Variants in NBPF12 observed in about 807,000 individuals in gnomAD.
NBPF12 encodes NBPF family member NBPF12.
A neutral mutation model predicts 146.4 loss-of-function variants in NBPF12; 115 were observed. The observed-to-expected ratio is 0.79, with a 90% CI of 0.68 to 0.92. The LOEUF (loss-of-function observed/expected upper bound fraction) is 0.92. NBPF12 is among the 40% of genes least tolerant of loss of function. The pLI, the probability that NBPF12 is intolerant of heterozygous loss-of-function variation, is 0.00. For synonymous variants in NBPF12, 385 were observed against 508.9 expected (o/e 0.76, Z 3.28); for missense variants, 1,205 against 1,326.8 (o/e 0.91, Z 1.43).
chr1:146,965,074 G>T lies in NBPF12; in HGVS notation c.748G>T (p.Glu250Ter). 1 of 1,602,380 alleles carries T rather than the reference G, an allele frequency of 6.2e-7. No individual in the cohort carries two copies. The highest frequency in any genetic ancestry group is 8.5e-7 in the Non-Finnish European group (1 of 1,172,930). ...TGTAGACAGAAAATCCTCTCATGAT[G>T]AATGTCAGGATGCTCTAAACATTCT... The change falls in exon 8 of 34, where the codon GAA (glutamate) becomes TAA (stop). Residue 250 changes from glutamate (E) to a stop codon, truncating the protein, a stop_gained. Transcript: ENST00000617844. LOFTEE classifies it high-confidence loss of function.
At chr1:146,971,599 G>C (rs1211672707) in intron 13 of NBPF12, among the ~76,000 whole-genome samples, 16 of 146,316 alleles carry the variant, frequency 1.1e-4, no homozygotes, top group Non-Finnish European at 2.1e-4. Flanking sequence ...AGACCAGCCT[G>C]GAGTATATGG....
At chr1:146,964,270 G>C in intron 6 of NBPF12, 87 bp from the exon 10 acceptor site, 1 of 1,573,804 alleles carries the variant, frequency 6.4e-7, no homozygotes, top group Non-Finnish European at 8.7e-7. Context: ...ACCATACATA[G>C]ATGTTCATGT....
exon 34 of NBPF12, chr1:146,995,537 T>C (rs1658490644): frequency 6.6e-6 from 1 of 151,842 alleles, no homozygotes; most frequent in South Asian, 2.1e-4. Context: ...CATCTTTTTG[T>C]TGTTGTCATT....
At chr1:146,977,979 C>A (rs1177358417) in intron 18 of NBPF12, among the ~76,000 whole-genome samples, 1 of 151,972 alleles carries the variant, frequency 6.6e-6, no homozygotes, top group South Asian at 2.1e-4. Context: ...GTGATTTAGT[C>A]ATCTGTCCAT....
At chr1:146,942,872 C>T (rs1471545394) in intron 1 of NBPF12, among the ~76,000 whole-genome samples, 1 of 149,912 alleles carries the variant, frequency 6.7e-6, no homozygotes, top group Non-Finnish European at 1.5e-5. Flanking sequence ...TAAGATCTAC[C>T]TCAAATATTC....
intron 11 of NBPF12, 48 bp from the exon 15 acceptor site, chr1:146,970,599 G>A (rs1656537761): frequency 1.9e-6 from 3 of 1,566,446 alleles, no homozygotes; most frequent in Non-Finnish European, 2.6e-6. Context: ...GACTGTGCTT[G>A]CAGAATGTGA....
intron 21 of NBPF12, among the ~76,000 whole-genome samples, 160 bp downstream of exon 24, chr1:146,984,345 T>A (rs1358962708): frequency 2.0e-5 from 3 of 150,866 alleles, no homozygotes; most frequent in African/African-American, 7.4e-5. Flanking sequence ...AGTAAATGTT[T>A]AGGTTTCCAT....
At chr1:146,938,735 G>A (rs1353315564), upstream of NBPF12, 3 of 151,854 alleles carry the variant, frequency 2.0e-5, no homozygotes, top group Admixed American at 6.6e-5. Context: ...CTCCTGACAC[G>A]GCCCATCCGG....
chr1:146,964,822 G>T (rs1171066872), intron 7 of NBPF12, 71 bp from the exon 11 acceptor site: 14 of 1,597,566 alleles, frequency 8.8e-6, no homozygotes, highest in Admixed American at 1.7e-5. Context: ...GTCAAAACCA[G>T]CTAGGACTCC....
chr1:146,994,785 A>C, exon 34 of NBPF12: 1 of 845,182 alleles, frequency 1.2e-6, no homozygotes, highest in Non-Finnish European at 1.8e-6. Context: ...CGTTCACATA[A>C]CTGTGCAGCA....
In NBPF12 at chr1:146,967,273, C is replaced by T. The variant is rs1255215901; in HGVS notation, c.988+600C>T. 3.3e-5 allele frequency among the ~76,000 whole-genome samples: 5 copies of T among 150,542 alleles called. 1 individual carries two copies. Among genetic ancestry groups the T allele is most frequent in the African/African-American group, 5.0e-5 (2 of 40,266 alleles). On this transcript the variant is annotated intron_variant, in intron 9 of 33. Transcript: ENST00000617844. ...ATCCCAGCCCTTTGGGAGGCTGAGG[C>T]GAGTAGAGCACGAGGTCAGGAGTTT... is the stretch of plus-strand genomic sequence containing the variant.
chr1:146,994,492 CT>C lies in NBPF12; in HGVS notation c.4293del (p.Asp1432ThrfsTer9), dbSNP rs782139662. The C allele has an allele frequency of 1.2e-6, 2 of 1,609,238 alleles. No individual in the cohort carries two copies. Among genetic ancestry groups the C allele is most frequent in the African/African-American group, 2.7e-5 (2 of 73,564 alleles). On this transcript the variant is annotated frameshift_variant, in exon 34 of 34. Transcript: ENST00000617844. LOFTEE classifies it high-confidence loss of function. ...TGAGGAACAGCACATCACCTTTGCC[CT>C]TGACATGGACAATAGCTTTTTTACT...
At position 146,972,736 on chromosome 1, in the gene NBPF12, C is replaced by A; in HGVS notation, c.1592-15C>A. Reference sequence around the variant, plus strand: ...AGTTTTTAACCCATCATGTGTTTGCCTTTCTTCTCCCCAGTCCCTGGCCCC... The same window carrying A: ...AGTTTTTAACCCATCATGTGTTTGCATTTCTTCTCCCCAGTCCCTGGCCCC... On this transcript the variant is annotated splice_polypyrimidine_tract_variant and intron_variant, in intron 13 of 33. Coordinates refer to ENST00000617844, the Ensembl canonical transcript of NBPF12. 2 of 1,354,340 alleles carry A rather than the reference C, an allele frequency of 1.5e-6. No individual in the cohort carries two copies. Among genetic ancestry groups the A allele is most frequent in the Non-Finnish European group, 2.1e-6 (2 of 946,484 alleles). 83.9% of individuals were successfully genotyped at this position (1,354,340 alleles called of 1,614,324 possible).
At chr1:146,949,450 T>G (rs1176444176) in intron 1 of NBPF12, 28 bp downstream of exon 4, 3 of 131,646 alleles carry the variant, frequency 2.3e-5, no homozygotes, top group African/African-American at 9.1e-5. Flanking sequence ...ACTGTAGTTC[T>G]TTCATTGATT....
intron 2 of NBPF12, among the ~76,000 whole-genome samples, chr1:146,954,752 A>T (rs1655488276): frequency 6.6e-6 from 1 of 150,834 alleles, no homozygotes; most frequent in Non-Finnish European, 1.5e-5. Flanking sequence ...CAGCTATGAA[A>T]ATCAAGATTA....
intron 13 of NBPF12, among the ~76,000 whole-genome samples, chr1:146,971,879 A>G (rs1413255414): frequency 1.4e-5 from 2 of 147,440 alleles, no homozygotes; most frequent in Non-Finnish European, 3.0e-5. Context: ...GGAGATTGAG[A>G]CCATCCTGGC....
At chr1:146,943,992 C>G (rs1654914139) in intron 2 of NBPF12, among the ~76,000 whole-genome samples, 1 of 133,130 alleles carries the variant, frequency 7.5e-6, no homozygotes, top group Non-Finnish European at 1.6e-5. Flanking sequence ...AGGCTCTGCA[C>G]TGTCCTGGGT....
intron 13 of NBPF12, among the ~76,000 whole-genome samples, chr1:146,971,596 C>T (rs1656615593): frequency 6.8e-6 from 1 of 146,074 alleles, no homozygotes; most frequent in South Asian, 2.2e-4. Context: ...TGAAGACCAG[C>T]CTGGAGTATA....
At position 146,966,715 on chromosome 1, in the gene NBPF12, G is replaced by A. The variant is rs1553885718; in HGVS notation, c.988+42G>A. 5.3e-5 allele frequency: 57 copies of A among 1,084,672 alleles called. 2 individuals carry two copies. The South Asian group carries it at 5.7e-4, about 11-fold the overall frequency. 67.2% of individuals were successfully genotyped at this position (1,084,672 alleles called of 1,614,324 possible). ...CACCATCACGAAAGTGATGAACAAC[G>A]TCCTGTCTTCTCTCTGAGAAACTAA... is the stretch of plus-strand genomic sequence containing the variant. On this transcript the variant is annotated intron_variant, in intron 9 of 33. Coordinates refer to ENST00000617844, the Ensembl canonical transcript of NBPF12.
Sources: allele counts gnomAD v4.1 joint callset (sites outside exome capture counted in the v4.1 genomes callset), GRCh38; gene constraint gnomAD v4.1.1; transcripts MANE v1.5; gene names NCBI Gene and HGNC (gene_info 2026-07-23, HGNC 2026-07-21).